MMP16: variants seen among roughly 807,000 people sequenced by gnomAD.
MMP16 encodes the protein matrix metallopeptidase 16.
A neutral mutation model predicts 67.8 loss-of-function variants in MMP16; 12 were observed. That is an observed-to-expected ratio of 0.18 (90% confidence interval 0.11 to 0.29). MMP16 has a LOEUF of 0.29. MMP16 is among the 10% of genes least tolerant of loss of function. The pLI is 1.00. For missense variants in MMP16, 475 were observed against 765.7 expected (o/e 0.62, Z 4.48); for synonymous variants, 249 against 255.9 (o/e 0.97, Z 0.26).
At chr8:88,056,100 GT>G in intron 8 of MMP16, 27 bp downstream of exon 8, 1 of 1,414,950 alleles carries the variant, frequency 7.1e-7, no homozygotes, top group South Asian at 1.8e-5. Flanking sequence ...TTAATTAACT[GT>G]TTTTCTCATG....
intron 4 of MMP16, among the ~76,000 whole-genome samples, chr8:88,145,362 GTAT>G (rs570050282): frequency 8.8e-4 from 133 of 151,896 alleles, no homozygotes; most frequent in Non-Finnish European, 1.4e-3. Context: ...GGAAAAAATG[GTAT>G]TATAATCTTA....
chr8:88,324,808 G>A (rs1378368136), intron 1 of MMP16, among the ~76,000 whole-genome samples: 4 of 151,858 alleles, frequency 2.6e-5, no homozygotes, highest in East Asian at 1.9e-4. Flanking sequence ...AAAACATCCC[G>A]TCATTCTGTG....
chr8:88,103,914 G>T (rs1809190243), intron 6 of MMP16, among the ~76,000 whole-genome samples: 1 of 151,738 alleles, frequency 6.6e-6, no homozygotes, highest in Non-Finnish European at 1.5e-5. Flanking sequence ...AGTGGGCACA[G>T]ATTCTTACCT....
intron 1 of MMP16, among the ~76,000 whole-genome samples, chr8:88,226,481 C>A (rs1809770858): frequency 6.6e-6 from 1 of 151,928 alleles, no homozygotes; most frequent in African/African-American, 2.4e-5. Context: ...CAACTCATAC[C>A]TTTTAACTGT....
chr8:88,304,733 A>G (rs1006642400), intron 1 of MMP16, among the ~76,000 whole-genome samples: 1 of 152,254 alleles, frequency 6.6e-6, no homozygotes, highest in African/African-American at 2.4e-5. Context: ...GATTCTTTTC[A>G]GACAAGCAAA....
intron 7 of MMP16, among the ~76,000 whole-genome samples, chr8:88,073,691 C>T (rs916378187): frequency 2.6e-4 from 40 of 152,036 alleles, no homozygotes; most frequent in African/African-American, 9.2e-4. Context: ...TTTTCATTAC[C>T]CTCACCAATT....
intron 1 of MMP16, among the ~76,000 whole-genome samples, chr8:88,257,892 G>A (rs1392124881): frequency 6.6e-6 from 1 of 152,154 alleles, no homozygotes; most frequent in East Asian, 1.9e-4. Flanking sequence ...AGTAAGGTCA[G>A]TTGGTCAGTT....
At chr8:88,126,107 C>G (rs1196002633) in intron 4 of MMP16, among the ~76,000 whole-genome samples, 1 of 151,798 alleles carries the variant, frequency 6.6e-6, no homozygotes, top group Non-Finnish European at 1.5e-5. Context: ...GACAAAAACT[C>G]TTTTAAAAAT....
chr8:88,060,166 C>G (rs536658146), intron 7 of MMP16, among the ~76,000 whole-genome samples: 2 of 151,948 alleles, frequency 1.3e-5, no homozygotes, highest in Admixed American at 6.6e-5. Flanking sequence ...GACTGTTCAA[C>G]GTAAAATTGT....
At chr8:88,238,829 AAAAT>A (rs1358414770) in intron 1 of MMP16, among the ~76,000 whole-genome samples, 26 of 152,128 alleles carry the variant, frequency 1.7e-4, no homozygotes, top group Admixed American at 7.8e-4. Flanking sequence ...ATGATAGAAA[AAAAT>A]AAAAATTTTG....
At chr8:88,278,077 A>G (rs558478943) in intron 1 of MMP16, among the ~76,000 whole-genome samples, 8 of 152,178 alleles carry the variant, frequency 5.3e-5, no homozygotes, top group Non-Finnish European at 1.0e-4. Context: ...TTTGAACGAA[A>G]AGACCAGGAA....
chr8:88,148,286 A>G (rs1808328868), intron 4 of MMP16, among the ~76,000 whole-genome samples: 1 of 152,206 alleles, frequency 6.6e-6, no homozygotes, highest in Admixed American at 6.5e-5. Flanking sequence ...AATATTATGT[A>G]TCTTAATTTC....
intron 4 of MMP16, among the ~76,000 whole-genome samples, chr8:88,166,256 G>C (rs1808708676): frequency 6.6e-6 from 1 of 151,946 alleles, no homozygotes; most frequent in African/African-American, 2.4e-5. Context: ...ATGATTAGTT[G>C]TCATTAAAGA....
intron 4 of MMP16, among the ~76,000 whole-genome samples, chr8:88,131,398 T>C (rs2118473846): frequency 6.6e-6 from 1 of 151,866 alleles, no homozygotes; most frequent in African/African-American, 2.4e-5. Context: ...CAAAAAGGAC[T>C]ATCATTTCCT....
intron 6 of MMP16, among the ~76,000 whole-genome samples, chr8:88,091,574 C>T (rs894400386): frequency 5.3e-5 from 8 of 150,754 alleles, no homozygotes; most frequent in Non-Finnish European, 1.2e-4. Flanking sequence ...CACACACTCA[C>T]ACACACACAG....
chr8:88,302,172 A>G (rs1186334579), intron 1 of MMP16, among the ~76,000 whole-genome samples: 1 of 152,224 alleles, frequency 6.6e-6, no homozygotes, highest in Non-Finnish European at 1.5e-5. Context: ...ACAGATCTAC[A>G]TTATAGTTAA....
chr8:88,163,375 G>T (rs776395747), intron 4 of MMP16, among the ~76,000 whole-genome samples: 29 of 151,906 alleles, frequency 1.9e-4, no homozygotes, highest in Non-Finnish European at 1.6e-4. Context: ...ATCATAATTT[G>T]TCTCTTTTTG....
rs910346239 is a variant in MMP16, at chr8:88,065,999, T to C, written c.1222+8606A>G. On this transcript the variant is annotated intron_variant, in intron 7 of 9. Coordinates refer to ENST00000286614, the MANE Select transcript of MMP16 (RefSeq NM_005941.5). ...CTTTTCTGCCTCATATATTTTAGTT[T>C]CTATTCCACAAGTGATTTGTGTCTC... Among the ~76,000 whole-genome samples, 8 of 152,236 alleles carry C rather than the reference T, an allele frequency of 5.3e-5. No homozygotes were observed. In the South Asian group the frequency reaches 8.3e-4, roughly 16 times the overall value.
In MMP16 at chr8:88,164,490, G is replaced by T. The variant is rs139149845; in HGVS notation, c.709+3179C>A. Reference sequence around the variant, plus strand: ...TGATAAATGATCAATACTTCAGCCTGACACTACTCTAGCTGCCCTGCTGTT... The same window carrying T: ...TGATAAATGATCAATACTTCAGCCTTACACTACTCTAGCTGCCCTGCTGTT... On this transcript the variant is annotated intron_variant, in intron 4 of 9. Coordinates refer to ENST00000286614, the MANE Select transcript of MMP16 (RefSeq NM_005941.5). Among the ~76,000 whole-genome samples the T allele has an allele frequency of 6.7e-4, 102 of 152,184 alleles. 1 individual carries two copies. Among genetic ancestry groups the T allele is most frequent in the Middle Eastern group, 3.4e-3 (1 of 294 alleles).
Sources: gnomAD v4.1 joint callset for allele counts (sites outside exome capture counted in the v4.1 genomes callset) on GRCh38, gnomAD v4.1.1 for gene constraint, MANE v1.5 for transcripts, NCBI Gene and HGNC (gene_info 2026-07-23, HGNC 2026-07-21) for gene names.